Variants in DGKH observed in about 807,000 individuals in gnomAD.
The protein encoded by DGKH is DAG kinase eta.
A neutral mutation model predicts 159.3 loss-of-function variants in DGKH; 90 were observed. The observed-to-expected ratio is 0.57, with a 90% CI of 0.48 to 0.67. The LOEUF (loss-of-function observed/expected upper bound fraction) is 0.67. DGKH is among the 30% of genes least tolerant of loss of function. The probability of loss-of-function intolerance (pLI) is 0.00; values close to 1 mark genes in which losing one functional copy is unlikely to be tolerated. For missense variants in DGKH, 1,181 were observed against 1,506.1 expected, an observed-to-expected ratio of 0.78 and a Z score of 3.57; for synonymous variants, 536 against 553.8, an observed-to-expected ratio of 0.97 and a Z score of 0.45.
chr13:42,141,237 A>AT (rs1212705475), intron 3 of DGKH, among the ~76,000 whole-genome samples: 11 of 151,444 alleles, frequency 7.3e-5, no homozygotes, highest in Admixed American at 4.0e-4. Flanking sequence ...TGAACTCATC[A>AT]TTTTTTATGG....
intron 1 of DGKH, among the ~76,000 whole-genome samples, chr13:42,086,347 A>G (rs1475419112): frequency 2.0e-5 from 3 of 152,202 alleles, no homozygotes; most frequent in African/African-American, 4.8e-5. Context: ...GAAGTGAGCA[A>G]ATTTCCTTGC....
chr13:42,074,025 GTC>G (rs1883145456), intron 1 of DGKH, among the ~76,000 whole-genome samples: 1 of 152,180 alleles, frequency 6.6e-6, no homozygotes, highest in Admixed American at 6.5e-5. Flanking sequence ...TTGTTAGACT[GTC>G]TACAACAGGA....
chr13:42,109,490 C>G lies in DGKH; in HGVS notation c.193-17973C>G, dbSNP rs1314508890. Among the ~76,000 whole-genome samples, 4 of 152,052 alleles carry G rather than the reference C, an allele frequency of 2.6e-5. No homozygotes were observed. The East Asian group carries it at 7.7e-4, about 29-fold the overall frequency. On this transcript the variant is annotated intron_variant, in intron 1 of 29. Transcript: ENST00000337343. The stretch of plus-strand genomic sequence containing the variant: ...AATAAGAACAATAAACAGAAGTAGC[C>G]TAAGGGAGAGAGGGCTTAGATTTTT...
chr13:42,100,156 C>T (rs1272225637), intron 1 of DGKH, among the ~76,000 whole-genome samples: 1 of 152,160 alleles, frequency 6.6e-6, no homozygotes. Flanking sequence ...CGCCTCCTGT[C>T]AGATCTGCAG....
intron 7 of DGKH, 146 bp from the exon 8 acceptor site, chr13:42,165,185 A>G (rs1956280749): frequency 2.3e-6 from 1 of 436,092 alleles, no homozygotes; most frequent in Admixed American, 4.3e-5. Context: ...TTCCTGAAGT[A>G]TAAATGTTAT....
intron 1 of DGKH, among the ~76,000 whole-genome samples, chr13:42,095,294 C>G (rs1205555518): frequency 6.7e-6 from 1 of 150,090 alleles, no homozygotes; most frequent in Non-Finnish European, 1.5e-5. Context: ...TCCTGAGTAA[C>G]TGGGATTACA....
chr13:42,173,986 C>CGT (rs71096559), intron 11 of DGKH, 74 bp from the exon 12 acceptor site: 4 of 973,480 alleles, frequency 4.1e-6, no homozygotes, highest in Admixed American at 3.5e-5. Context: ...TGTGTGTGCG[C>CGT]GTTTATGAGA....
At chr13:42,159,028 T>G (rs1382290400) in intron 5 of DGKH, among the ~76,000 whole-genome samples, 2 of 152,144 alleles carry the variant, frequency 1.3e-5, no homozygotes, top group Non-Finnish European at 2.9e-5. Context: ...TCTTTTCTGT[T>G]CCTCTAAGTA....
At chr13:42,227,512 G>A (rs1243328685) in intron 29 of DGKH, among the ~76,000 whole-genome samples, 1 of 152,090 alleles carries the variant, frequency 6.6e-6, no homozygotes, top group Admixed American at 6.5e-5. Flanking sequence ...AAATCTAAAT[G>A]TGACTGTAAA....
chr13:42,166,449 A>G, intron 8 of DGKH, 66 bp from the exon 9 acceptor site: 1 of 1,310,154 alleles, frequency 7.6e-7, no homozygotes, highest in Non-Finnish European at 1.0e-6. Context: ...CTTTTCTCTG[A>G]ATGTTTGCTA....
At chr13:42,187,819 C>G (rs1206579386) in intron 14 of DGKH, among the ~76,000 whole-genome samples, 1 of 152,184 alleles carries the variant, frequency 6.6e-6, no homozygotes, top group Non-Finnish European at 1.5e-5. Context: ...TTTGGATTTC[C>G]TAGACATTAC....
chr13:42,183,722 G>A (rs1237477820), intron 13 of DGKH, among the ~76,000 whole-genome samples: 1 of 152,104 alleles, frequency 6.6e-6, no homozygotes, highest in African/African-American at 2.4e-5. Context: ...AATTTGGTAT[G>A]GTAATAAGAG....
intron 1 of DGKH, among the ~76,000 whole-genome samples, chr13:42,087,495 T>G (rs1223688520): frequency 6.6e-6 from 1 of 152,108 alleles, no homozygotes; most frequent in Non-Finnish European, 1.5e-5. Context: ...GATGATAGAA[T>G]TGGTTAACAA....
At chr13:42,070,461 C>G in intron 1 of DGKH, 1 of 1,292,168 alleles carries the variant, frequency 7.7e-7, no homozygotes, top group East Asian at 2.3e-5. Context: ...ATGTCAATGG[C>G]TTTAGTATAA....
intron 1 of DGKH, among the ~76,000 whole-genome samples, chr13:42,113,725 C>A (rs997861219): frequency 6.6e-6 from 1 of 152,056 alleles, no homozygotes; most frequent in Non-Finnish European, 1.5e-5. Context: ...TCCAGACCCA[C>A]GGGAGGAGGA....
chr13:42,221,386 G>A lies in DGKH; in HGVS notation c.3565G>A (p.Asp1189Asn). 1 of 1,613,496 alleles carries A rather than the reference G, an allele frequency of 6.2e-7. No homozygotes were observed. Among genetic ancestry groups the A allele is most frequent in the Non-Finnish European group, 8.5e-7 (1 of 1,179,538 alleles). The change falls in exon 29 of 30, where the codon GAT becomes AAT. Residue 1189 changes from aspartate to asparagine, a missense_variant. By Grantham distance (23) the Asp-to-Asn change is conservative. Around this residue, in one of 5 missense-constraint regions of DGKH, gnomAD observed 84 missense variants for 77.9 expected, o/e 1.08. Coordinates refer to ENST00000337343, the MANE Select transcript of DGKH (RefSeq NM_178009.5). ...TGAACTTTTGCATCTGGAAAGGCGA[G>A]ATCTTAAGGTATTTCCTTTGTGCTC... ...GAELLHLERR[D>N]LKDLGIPKVG...
Position 42,151,478 on chromosome 13 carries a change from G to GGTGTGTGTGT in DGKH, c.385-3794_385-3785dup, listed in dbSNP as rs143470293. ...TTTTTGTGACTGAGTAGTATTCCAT[G>GGTGTGTGTGT]GTGTGTGTGTGTGTGTGTGTGTGTG... On this transcript the variant is annotated intron_variant, in intron 3 of 29. Coordinates refer to ENST00000337343, the MANE Select transcript of DGKH (RefSeq NM_178009.5). Among the ~76,000 whole-genome samples the GGTGTGTGTGT allele has an allele frequency of 3.7e-4, 47 of 126,368 alleles. 1 individual carries two copies. In the East Asian group the frequency reaches 5.2e-3, roughly 14 times the overall value. The allele number at this position is 126,368 out of a possible 152,430, so 82.9% of individuals were successfully genotyped here.
intron 1 of DGKH, chr13:42,070,409 A>C (rs576772046): frequency 5.8e-6 from 8 of 1,379,382 alleles, no homozygotes; most frequent in Non-Finnish European, 8.3e-6. Flanking sequence ...AGGGTTTTAC[A>C]AAACAGTCAG....
chr13:42,225,334 T>C (rs1330411220), intron 29 of DGKH: 1 of 1,581,948 alleles, frequency 6.3e-7, no homozygotes, highest in Non-Finnish European at 8.5e-7. Flanking sequence ...ATGGTAAACA[T>C]ATGGTGAGAG....
Sources: allele counts gnomAD v4.1 joint callset (sites outside exome capture counted in the v4.1 genomes callset), GRCh38; gene constraint gnomAD v4.1.1; regional missense constraint gnomAD v4.1.1; transcripts MANE v1.5; gene names NCBI Gene and HGNC (gene_info 2026-07-23, HGNC 2026-07-21).